Variants in POU3F3 observed in about 807,000 individuals in gnomAD.
POU3F3 encodes POU domain, class 3, transcription factor 3.
Under a neutral mutation model 8.6 loss-of-function variants are expected in POU3F3, and 1 was observed. The observed-to-expected ratio is 0.12, with a 90% CI of 0.04 to 0.55. The LOEUF is 0.55. Among genes scored for constraint, POU3F3 ranks in the 20% least tolerant of loss-of-function variants. The probability of loss-of-function intolerance (pLI) is 0.91; values close to 1 mark genes in which losing one functional copy is unlikely to be tolerated. For synonymous variants in POU3F3, 418 were observed against 327.4 expected, an observed-to-expected ratio of 1.28 and a Z score of -2.99; for missense variants, 577 against 690.7, an observed-to-expected ratio of 0.84 and a Z score of 1.84.
At chr2:104,885,803 C>CT in the POU3F3 span, among the ~76,000 whole-genome samples, 158 of 145,258 alleles carry the variant, frequency 1.1e-3, no homozygotes, top group Middle Eastern at 3.7e-3. Context: ...TCCTTTCTTT[C>CT]TTTTTTTTTT....
At chr2:104,879,133 C>T in the POU3F3 span, among the ~76,000 whole-genome samples, 73 of 152,132 alleles carry the variant, frequency 4.8e-4, no homozygotes, top group Middle Eastern at 3.4e-3. Flanking sequence ...TCAGTACACA[C>T]GTAATCTTCA....
the POU3F3 span, among the ~76,000 whole-genome samples, chr2:104,926,408 C>T: frequency 6.6e-6 from 1 of 152,228 alleles, no homozygotes; most frequent in South Asian, 2.1e-4. Context: ...CAATGAGATA[C>T]CATCTCATGC....
chr2:104,917,908 T>A, the POU3F3 span, among the ~76,000 whole-genome samples: 1 of 152,184 alleles, frequency 6.6e-6, no homozygotes, highest in Non-Finnish European at 1.5e-5. Flanking sequence ...AAAGATATAT[T>A]ATCCTCTTCC....
At chr2:104,891,967 A>G in the POU3F3 span, among the ~76,000 whole-genome samples, 10 of 152,314 alleles carry the variant, frequency 6.6e-5, no homozygotes, top group Admixed American at 2.6e-4. Flanking sequence ...CTCACTAAAG[A>G]AGCAACGTTC....
chr2:104,886,828 A>G, the POU3F3 span, among the ~76,000 whole-genome samples: 1 of 152,138 alleles, frequency 6.6e-6, no homozygotes, highest in South Asian at 2.1e-4. Flanking sequence ...GAATCACTTG[A>G]ACCTGGAAGG....
Position 104,857,115 on chromosome 2 carries a change from G to T in POU3F3, c.*102G>T. ...CGCCGCCGCCGCCGCCGCCGCCGCC[G>T]CTGCCGCCGCCGCGCCGACCCTGCA... On this transcript the variant is annotated 3_prime_UTR_variant, in exon 1 of 1. Transcript: ENST00000361360. 1 of 969,012 alleles carries T rather than the reference G, an allele frequency of 1.0e-6. No individual in the cohort carries two copies. 60.0% of individuals were successfully genotyped at this position (969,012 alleles called of 1,614,324 possible). A position where few individuals can be genotyped will look rare whatever the true frequency, so the allele number is the denominator to read the frequency against.
downstream of POU3F3, among the ~76,000 whole-genome samples, chr2:104,861,867 T>G (rs548800242): frequency 7.2e-5 from 11 of 152,214 alleles, no homozygotes; most frequent in Admixed American, 2.6e-4. Context: ...TTCACCCATG[T>G]GACCTCCTGG....
At chr2:104,860,095 C>T (rs1676637078), downstream of POU3F3, among the ~76,000 whole-genome samples, 1 of 152,206 alleles carries the variant, frequency 6.6e-6, no homozygotes, top group Non-Finnish European at 1.5e-5. Context: ...GAGGTATCTA[C>T]TTAGTTGATT....
chr2:104,891,335 A>G, the POU3F3 span, among the ~76,000 whole-genome samples: 1 of 151,934 alleles, frequency 6.6e-6, no homozygotes, highest in Admixed American at 6.6e-5. Context: ...TACAGTAATT[A>G]TATGTTAATA....
the POU3F3 span, among the ~76,000 whole-genome samples, chr2:104,871,499 TTTAA>T: frequency 6.6e-6 from 1 of 152,214 alleles, no homozygotes; most frequent in Non-Finnish European, 1.5e-5. Flanking sequence ...ATAATTGGTA[TTTAA>T]TTGCTTGATC....
At chr2:104,868,033 T>G in the POU3F3 span, 157 of 344,386 alleles carry the variant, frequency 4.6e-4, no homozygotes, top group African/African-American at 2.9e-3. Context: ...GGGTAGGAAT[T>G]GTTGGGAAAG....
chr2:104,920,921 C>G, the POU3F3 span, among the ~76,000 whole-genome samples: 3 of 152,170 alleles, frequency 2.0e-5, no homozygotes, highest in African/African-American at 7.2e-5. Context: ...CAAGAAGTCT[C>G]CCCCCACATT....
chr2:104,891,057 T>C, the POU3F3 span, among the ~76,000 whole-genome samples: 2 of 152,188 alleles, frequency 1.3e-5, no homozygotes, highest in African/African-American at 4.8e-5. Context: ...AGGCTTCCTA[T>C]CTGTAAGCTG....
the POU3F3 span, among the ~76,000 whole-genome samples, chr2:104,892,034 C>T: frequency 1.2e-4 from 18 of 152,258 alleles, no homozygotes; most frequent in East Asian, 2.7e-3. Context: ...GCAACACAAG[C>T]GCACACCTGG....
At chr2:104,882,948 A>T in the POU3F3 span, among the ~76,000 whole-genome samples, 1 of 152,230 alleles carries the variant, frequency 6.6e-6, no homozygotes, top group East Asian at 1.9e-4. Context: ...TGAAAATGAC[A>T]GGTGGTAGTA....
the POU3F3 span, among the ~76,000 whole-genome samples, chr2:104,908,743 G>A: frequency 6.6e-6 from 1 of 152,122 alleles, no homozygotes; most frequent in South Asian, 2.1e-4. Context: ...TTTTCCAATG[G>A]TCTACAGCAA....
At chr2:104,892,035 G>T in the POU3F3 span, among the ~76,000 whole-genome samples, 1 of 152,162 alleles carries the variant, frequency 6.6e-6, no homozygotes, top group African/African-American at 2.4e-5. Context: ...CAACACAAGC[G>T]CACACCTGGG....
chr2:104,862,495 G>T (rs1336560271), downstream of POU3F3, among the ~76,000 whole-genome samples: 1 of 152,132 alleles, frequency 6.6e-6, no homozygotes, highest in African/African-American at 2.4e-5. Flanking sequence ...GAGGCGGAGG[G>T]GGAGGGGGAC....
chr2:104,860,034 G>A (rs984026695), downstream of POU3F3, among the ~76,000 whole-genome samples: 3 of 152,146 alleles, frequency 2.0e-5, no homozygotes, highest in Non-Finnish European at 4.4e-5. Context: ...TTTCCTATGG[G>A]AATGGTGGTG....
Sources: gnomAD v4.1 joint callset for allele counts (sites outside exome capture counted in the v4.1 genomes callset) on GRCh38, gnomAD v4.1.1 for gene constraint, MANE v1.5 for transcripts, NCBI Gene and HGNC (gene_info 2026-07-23, HGNC 2026-07-21) for gene names.